JDP2: variants seen among roughly 807,000 people sequenced by gnomAD.
JDP2 encodes the protein progesterone receptor co-activator.
In JDP2, 9 loss-of-function variants were observed where a neutral mutation model predicts 17.1. The ratio of observed to expected loss-of-function variants is 0.53; its 90% CI spans 0.32 to 0.92. JDP2 has a LOEUF of 0.92. JDP2 is among the 40% of genes least tolerant of loss of function. The pLI is 0.04. For synonymous variants in JDP2, 107 were observed against 95.6 expected (o/e 1.12, Z -0.69); for missense variants, 179 against 220.0 (o/e 0.81, Z 1.18).
chr14:75,442,755 T>C (rs1328233029), intron 2 of JDP2, among the ~76,000 whole-genome samples: 1 of 152,186 alleles, frequency 6.6e-6, no homozygotes, highest in Non-Finnish European at 1.5e-5. Flanking sequence ...CCAAGGTCCA[T>C]GGAATCAGAA....
intron 2 of JDP2, among the ~76,000 whole-genome samples, chr14:75,459,498 G>T (rs28686806): frequency 0.022 from 3,321 of 152,314 alleles, 125 homozygotes; most frequent in African/African-American, 0.074. Flanking sequence ...AAAGGGGGCT[G>T]CCCTGCCAAG....
chr14:75,452,392 A>T (rs1205723734), intron 2 of JDP2, among the ~76,000 whole-genome samples: 3 of 152,136 alleles, frequency 2.0e-5, no homozygotes, highest in African/African-American at 7.2e-5. Context: ...AATGGGAGCT[A>T]CTTGTGCTTA....
chr14:75,460,385 C>G (rs1886300111), intron 2 of JDP2, among the ~76,000 whole-genome samples: 1 of 152,148 alleles, frequency 6.6e-6, no homozygotes, highest in South Asian at 2.1e-4. Context: ...GAAATGGATC[C>G]CAGCATTTGG....
intron 2 of JDP2, among the ~76,000 whole-genome samples, chr14:75,453,413 G>A (rs986845630): frequency 6.6e-5 from 10 of 152,144 alleles, no homozygotes; most frequent in African/African-American, 2.2e-4. Context: ...AACTCAGCAC[G>A]CCCTGAACTC....
chr14:75,453,174 G>T (rs1285526004), intron 2 of JDP2, among the ~76,000 whole-genome samples: 1 of 152,110 alleles, frequency 6.6e-6, no homozygotes, highest in African/African-American at 2.4e-5. Flanking sequence ...TGGGGGGTGG[G>T]GGAGTGGGGA....
intron 2 of JDP2, among the ~76,000 whole-genome samples, chr14:75,445,846 CA>C (rs1224134547): frequency 6.6e-6 from 1 of 151,968 alleles, no homozygotes; most frequent in Non-Finnish European, 1.5e-5. Context: ...TTTGGTACTT[CA>C]AAGGACACAA....
intron 2 of JDP2, chr14:75,445,166 G>T: frequency 1.0e-6 from 1 of 985,216 alleles, no homozygotes; most frequent in Non-Finnish European, 1.2e-6. Flanking sequence ...GAACAACTAT[G>T]AAGCCATTTA....
chr14:75,457,855 C>T (rs1453351636), intron 2 of JDP2, among the ~76,000 whole-genome samples: 1 of 152,234 alleles, frequency 6.6e-6, no homozygotes, highest in African/African-American at 2.4e-5. Flanking sequence ...GAAGAGGCCA[C>T]CCCGGCAGAG....
chr14:75,467,007 ATCTAATC>A (rs1168928514), intron 3 of JDP2, among the ~76,000 whole-genome samples: 1 of 152,176 alleles, frequency 6.6e-6, no homozygotes, highest in African/African-American at 2.4e-5. Context: ...CTGTGAGTTC[ATCTAATC>A]CCCAAGAGCC....
intron 2 of JDP2, among the ~76,000 whole-genome samples, chr14:75,443,471 C>G (rs997804332): frequency 1.3e-5 from 2 of 152,126 alleles, no homozygotes; most frequent in African/African-American, 4.8e-5. Flanking sequence ...AATCTGTCCT[C>G]TCTTGGAACA....
At position 75,471,517 on chromosome 14, in the gene JDP2, T is replaced by C. The variant is rs1886811131; in HGVS notation, c.*2042T>C. 6.6e-6 allele frequency: 1 copy of C among 152,284 alleles called. No individual in the cohort carries two copies. The highest frequency in any genetic ancestry group is 1.5e-5 in the Non-Finnish European group (1 of 68,066). The allele number at this position is 152,284 out of a possible 1,614,324, so 9.4% of individuals were successfully genotyped here. ...CCCTGGACTTAGGATAACTAGTTGC[T>C]GGTGATGACTTCGTGTCAAGAACAG... is the stretch of plus-strand genomic sequence containing the variant. On this transcript the variant is annotated 3_prime_UTR_variant, in exon 4 of 4. Coordinates refer to ENST00000651602, the MANE Select transcript of JDP2 (RefSeq NM_001135048.2).
In JDP2 at chr14:75,432,476, C is replaced by T. The variant is rs926263152; in HGVS notation, c.-24+4224C>T. The T allele has an allele frequency of 2.5e-5, 20 of 792,738 alleles. No homozygotes were observed. In the East Asian group the frequency reaches 4.0e-4, roughly 16 times the overall value. The allele number at this position is 792,738 out of a possible 1,614,324, so 49.1% of individuals were successfully genotyped here. On this transcript the variant is annotated intron_variant, in intron 1 of 3. Transcript: ENST00000651602. ...CCCACTTCTCTTGTTGAGTCTCAGT[C>T]GCCATTGCCCATGCCCTGCCGTCGA...
chr14:75,438,981 T>G lies in JDP2; in HGVS notation c.201+860T>G, dbSNP rs148666806. Among the ~76,000 whole-genome samples, 1,269 of 152,094 alleles carry G rather than the reference T, an allele frequency of 8.3e-3. 4 individuals carry two copies. Among genetic ancestry groups the G allele is most frequent in the South Asian group, 0.025 (119 of 4,816 alleles). ...CTGCCCCCTGGAAAGGAGGAGCCTG[T>G]GGTGGGAGGTGGGGAAGAGGCTGGG... On this transcript the variant is annotated intron_variant, in intron 2 of 3. Transcript: ENST00000651602.
intron 2 of JDP2, among the ~76,000 whole-genome samples, chr14:75,448,391 G>A (rs1302185762): frequency 6.6e-6 from 1 of 152,152 alleles, no homozygotes; most frequent in Non-Finnish European, 1.5e-5. Flanking sequence ...GCCCCCCAGG[G>A]GATTCTGATG....
chr14:75,432,218 C>A, intron 1 of JDP2: 1 of 1,120,210 alleles, frequency 8.9e-7, no homozygotes, highest in Non-Finnish European at 1.3e-6. Flanking sequence ...TGGATCTCCT[C>A]GACTTTTGGA....
At chr14:75,431,962 G>T (rs1476339425) in intron 1 of JDP2, among the ~76,000 whole-genome samples, 1 of 152,242 alleles carries the variant, frequency 6.6e-6, no homozygotes, top group African/African-American at 2.4e-5. Context: ...AAATAACATT[G>T]TTATTCTTTA....
At chr14:75,438,669 G>A (rs1885191089) in intron 2 of JDP2, among the ~76,000 whole-genome samples, 1 of 152,234 alleles carries the variant, frequency 6.6e-6, no homozygotes, top group Non-Finnish European at 1.5e-5. Flanking sequence ...GCTAGGCATG[G>A]CCTCGGTCAG....
chr14:75,441,824 C>T (rs979041597), intron 2 of JDP2, among the ~76,000 whole-genome samples: 2 of 152,244 alleles, frequency 1.3e-5, no homozygotes, highest in Non-Finnish European at 2.9e-5. Flanking sequence ...GACTCCTCCA[C>T]CAACCAGTCC....
intron 1 of JDP2, among the ~76,000 whole-genome samples, chr14:75,435,859 T>A (rs721379): frequency 0.1 from 15,259 of 152,058 alleles, 1,651 homozygotes; most frequent in African/African-American, 0.27. Flanking sequence ...TAGAGCACAG[T>A]TAGAGGAGCC....
Sources: gnomAD v4.1 joint callset for allele counts (sites outside exome capture counted in the v4.1 genomes callset) on GRCh38, gnomAD v4.1.1 for gene constraint, MANE v1.5 for transcripts, NCBI Gene and HGNC (gene_info 2026-07-23, HGNC 2026-07-21) for gene names.